Variants in UNC5D observed in about 807,000 individuals in gnomAD.
The protein encoded by UNC5D is unc-5 netrin receptor D, also known as netrin receptor UNC5D.
A neutral mutation model predicts 105.4 loss-of-function variants in UNC5D; 39 were observed. The observed-to-expected ratio is 0.37, with a 90% CI of 0.29 to 0.48. The LOEUF is 0.48. UNC5D is among the 20% of genes least tolerant of loss of function. The pLI, the probability that UNC5D is intolerant of heterozygous loss-of-function variation, is 0.98. For missense variants in UNC5D, 991 were observed against 1,202.4 expected, an observed-to-expected ratio of 0.82 and a Z score of 2.60; for synonymous variants, 452 against 450.4, an observed-to-expected ratio of 1.00 and a Z score of -0.04.
At chr8:35,243,543 T>C (rs1171303988) in intron 1 of UNC5D, among the ~76,000 whole-genome samples, 9 of 152,190 alleles carry the variant, frequency 5.9e-5, no homozygotes, top group Admixed American at 3.3e-4. Context: ...TAACTTTCTG[T>C]AGCACTCTTT....
chr8:35,306,780 G>A (rs1170232480), intron 1 of UNC5D, among the ~76,000 whole-genome samples: 1 of 152,030 alleles, frequency 6.6e-6, no homozygotes, highest in Non-Finnish European at 1.5e-5. Context: ...ACACTTCTTG[G>A]ATGGCTAGAC....
chr8:35,512,539 GTATATATATATATATA>G lies in UNC5D; in HGVS notation c.104-36737_104-36722del, dbSNP rs71215633. Among the ~76,000 whole-genome samples, 27 of 40,278 alleles carry G rather than the reference GTATATATATATATATA, an allele frequency of 6.7e-4. 3 individuals are homozygous for G. The highest frequency in any genetic ancestry group is 3.0e-3 in the African/African-American group (22 of 7,428). 26.4% of individuals were successfully genotyped at this position (40,278 alleles called of 152,430 possible). ...ATAGATTATATATTCAGATATGTAT[GTATATATATATATATA>G]TATATATATATATATCTGAATAGAT... On this transcript the variant is annotated intron_variant, in intron 1 of 16. Coordinates refer to ENST00000404895, the MANE Select transcript of UNC5D (RefSeq NM_080872.4).
intron 3 of UNC5D, among the ~76,000 whole-genome samples, chr8:35,572,633 G>C (rs1357068200): frequency 1.3e-5 from 2 of 152,250 alleles, no homozygotes; most frequent in South Asian, 2.1e-4. Context: ...AGGCATGTTT[G>C]TATCAAGTTG....
At chr8:35,271,713 T>TATAAATGTATACATTTATACATATATATG (rs1563268302) in intron 1 of UNC5D, among the ~76,000 whole-genome samples, 1 of 85,392 alleles carries the variant, frequency 1.2e-5, no homozygotes, top group Non-Finnish European at 2.3e-5. Context: ...ACATATATAT[T>TATAAATGTATACATTTATACATATATATG]TATACATGTA....
intron 1 of UNC5D, among the ~76,000 whole-genome samples, chr8:35,422,804 C>T (rs950522113): frequency 6.6e-6 from 1 of 152,076 alleles, no homozygotes; most frequent in Non-Finnish European, 1.5e-5. Context: ...GTATTTTCTC[C>T]CTTTTGGAAA....
intron 4 of UNC5D, among the ~76,000 whole-genome samples, chr8:35,656,767 C>A (rs972755153): frequency 2.6e-5 from 4 of 151,942 alleles, no homozygotes; most frequent in African/African-American, 9.7e-5. Context: ...TACTCTAGGC[C>A]ACACACAGGG....
At chr8:35,303,112 G>T (rs952395127) in intron 1 of UNC5D, among the ~76,000 whole-genome samples, 1 of 151,918 alleles carries the variant, frequency 6.6e-6, no homozygotes, top group Non-Finnish European at 1.5e-5. Context: ...TATTAATGAG[G>T]TATTTTTCTT....
At chr8:35,584,716 C>T (rs910779208) in intron 3 of UNC5D, among the ~76,000 whole-genome samples, 1 of 151,838 alleles carries the variant, frequency 6.6e-6, no homozygotes, top group African/African-American at 2.4e-5. Context: ...CTCCCCAAAT[C>T]CTGGAATTAC....
intron 1 of UNC5D, among the ~76,000 whole-genome samples, chr8:35,396,142 CCTCT>C (rs1245851887): frequency 1.3e-5 from 2 of 152,114 alleles, no homozygotes; most frequent in African/African-American, 4.8e-5. Flanking sequence ...TGTTTAACCT[CCTCT>C]CTATTTTAGC....
chr8:35,403,838 T>C (rs1039921578), intron 1 of UNC5D, among the ~76,000 whole-genome samples: 1 of 152,204 alleles, frequency 6.6e-6, no homozygotes, highest in Non-Finnish European at 1.5e-5. Context: ...TAAATTCAGA[T>C]AGTCACTCCT....
chr8:35,450,332 C>T (rs886841925), intron 1 of UNC5D, among the ~76,000 whole-genome samples: 9 of 152,104 alleles, frequency 5.9e-5, no homozygotes, highest in African/African-American at 9.7e-5. Flanking sequence ...TCTATCAATA[C>T]GGAGAATAAT....
At chr8:35,676,683 C>T (rs1825247076) in intron 4 of UNC5D, among the ~76,000 whole-genome samples, 1 of 152,158 alleles carries the variant, frequency 6.6e-6, no homozygotes, top group African/African-American at 2.4e-5. Flanking sequence ...AAGTTATGTG[C>T]TTGCCAGTCA....
intron 3 of UNC5D, among the ~76,000 whole-genome samples, chr8:35,577,610 A>G (rs1037920316): frequency 6.6e-6 from 1 of 152,220 alleles, no homozygotes; most frequent in Non-Finnish European, 1.5e-5. Flanking sequence ...TGGCACAAGG[A>G]AGAGCTCTTT....
intron 1 of UNC5D, among the ~76,000 whole-genome samples, chr8:35,380,112 AGAGAGAGAGAGACACC>A (rs1802942244): frequency 7.6e-6 from 1 of 131,926 alleles, no homozygotes; most frequent in Admixed American, 7.8e-5. Context: ...GGAGAGAGAG[AGAGAGAGAGAGACACC>A]GAGAGAGAGA....
intron 1 of UNC5D, among the ~76,000 whole-genome samples, chr8:35,343,110 T>C (rs1811568955): frequency 6.6e-6 from 1 of 152,092 alleles, no homozygotes; most frequent in Non-Finnish European, 1.5e-5. Context: ...TCCTAGGTGA[T>C]ACTGACACTG....
chr8:35,287,972 C>T (rs899231690), intron 1 of UNC5D, among the ~76,000 whole-genome samples: 5 of 151,894 alleles, frequency 3.3e-5, no homozygotes, highest in African/African-American at 1.2e-4. Flanking sequence ...TTATAGAACA[C>T]CAGTAAGTGG....
At chr8:35,737,614 T>C (rs1226543662) in intron 11 of UNC5D, among the ~76,000 whole-genome samples, 1 of 152,200 alleles carries the variant, frequency 6.6e-6, no homozygotes, top group Non-Finnish European at 1.5e-5. Flanking sequence ...CGTAATCTCA[T>C]TTAACTAGTA....
At chr8:35,724,404 C>A in intron 9 of UNC5D, 2 of 1,205,440 alleles carry the variant, frequency 1.7e-6, no homozygotes, top group South Asian at 1.7e-5. Context: ...ACATCCAGTG[C>A]CCCGGCAAGG....
intron 6 of UNC5D, among the ~76,000 whole-genome samples, chr8:35,685,814 T>C (rs1825968888): frequency 6.6e-6 from 1 of 152,188 alleles, no homozygotes. Flanking sequence ...CAGTATTTTT[T>C]TTATAGTACC....
Sources: allele counts gnomAD v4.1 joint callset (sites outside exome capture counted in the v4.1 genomes callset), GRCh38; gene constraint gnomAD v4.1.1; transcripts MANE v1.5; gene names NCBI Gene and HGNC (gene_info 2026-07-23, HGNC 2026-07-21).